Variants in SLC25A29 observed in about 807,000 individuals in gnomAD.
SLC25A29 encodes mitochondrial basic amino acids transporter.
SLC25A29 carries 13 observed loss-of-function variants against 10.0 expected under a neutral mutation model. That is an observed-to-expected ratio of 1.30 (90% CI 0.85 to 2.07). SLC25A29 has a LOEUF of 2.07. SLC25A29 is among the 30% of genes most tolerant of loss of function. The pLI is 0.00. For missense variants in SLC25A29, 475 were observed against 447.6 expected (o/e 1.06, Z -0.55); for synonymous variants, 244 against 221.1 (o/e 1.10, Z -0.92).
In SLC25A29 at chr14:100,301,746, G is replaced by A. The variant is rs561515433; in HGVS notation, c.35-2861C>T. 3.5e-4 allele frequency among the ~76,000 whole-genome samples: 50 copies of A among 143,676 alleles called. 1 individual carries two copies. In the South Asian group the frequency reaches 0.01, roughly 30 times the overall value. 94.3% of individuals were successfully genotyped at this position (143,676 alleles called of 152,430 possible). A position where few individuals can be genotyped will look rare whatever the true frequency, so the allele number is the denominator to read the frequency against. On this transcript the variant is annotated intron_variant, in intron 1 of 3. Transcript: ENST00000359232. ...AGGATGGTCTCGATCTCCTGACCTC[G>A]TGATCCACCCGCCTCGGCCACCCAA...
chr14:100,299,957 ACATCCTATC>A (rs1892429871), intron 1 of SLC25A29: 1 of 985,292 alleles, frequency 1.0e-6, no homozygotes, highest in Admixed American at 6.2e-5. Flanking sequence ...TCTTTACCTA[ACATCCTATC>A]CATCCTTTAA....
chr14:100,285,727 G>A, the SLC25A29 span, among the ~76,000 whole-genome samples: 433 of 152,214 alleles, frequency 2.8e-3, 1 homozygote, highest in African/African-American at 0.01. Flanking sequence ...ACAGGGACAC[G>A]GGGCAGGGCG....
chr14:100,302,906 C>G (rs534765201), intron 1 of SLC25A29, among the ~76,000 whole-genome samples: 212 of 152,236 alleles, frequency 1.4e-3, no homozygotes, highest in Non-Finnish European at 1.8e-3. Flanking sequence ...GTAACCCTGC[C>G]TGGAGCTCTA....
the SLC25A29 span, among the ~76,000 whole-genome samples, chr14:100,284,914 C>T: frequency 7.2e-5 from 11 of 152,220 alleles, no homozygotes; most frequent in South Asian, 1.9e-3. Context: ...TGGCGCATGC[C>T]TCTAATCCCA....
intron 1 of SLC25A29, among the ~76,000 whole-genome samples, chr14:100,303,637 G>A (rs1471788126): frequency 6.6e-6 from 1 of 152,178 alleles, no homozygotes; most frequent in Non-Finnish European, 1.5e-5. Flanking sequence ...TCCATTGGAG[G>A]AGCCTCCTCA....
At chr14:100,290,558 G>T (rs977682088), downstream of SLC25A29, among the ~76,000 whole-genome samples, 1 of 152,240 alleles carries the variant, frequency 6.6e-6, no homozygotes, top group Non-Finnish European at 1.5e-5. Flanking sequence ...AAGCCTCCAG[G>T]GCTGGTGGCT....
At chr14:100,289,605 G>A (rs1413218257), downstream of SLC25A29, among the ~76,000 whole-genome samples, 1 of 152,136 alleles carries the variant, frequency 6.6e-6, no homozygotes, top group East Asian at 1.9e-4. Flanking sequence ...CACTTTGGGA[G>A]GCTGAGGCGG....
At chr14:100,293,204 C>T (rs1891889567) in intron 3 of SLC25A29, 90 bp downstream of exon 3, 10 of 1,515,810 alleles carry the variant, frequency 6.6e-6, no homozygotes, top group Non-Finnish European at 8.1e-6. Context: ...TGACACCTTC[C>T]TTCCTGGCTC....
At chr14:100,305,933 C>G (rs946475080) in intron 1 of SLC25A29, 1 of 376,124 alleles carries the variant, frequency 2.7e-6, no homozygotes, top group East Asian at 4.0e-5. Flanking sequence ...GTCCTGGCCT[C>G]CGCTCAGCCA....
rs756011176 is a variant in SLC25A29 at position 100,292,370 on chromosome 14, G to A, written c.825C>T (p.Tyr275=). The A allele has an allele frequency of 7.8e-6, 12 of 1,538,014 alleles. No homozygotes were observed. The highest frequency in any genetic ancestry group is 1.7e-4 in the Middle Eastern group (1 of 5,874). The change falls in exon 4 of 4, where the codon TAC becomes TAT. Residue 275 remains tyrosine, a synonymous_variant. Coordinates refer to ENST00000359232, the MANE Select transcript of SLC25A29 (RefSeq NM_001039355.3). ...TFATVTVVLT[Y]ARGEEAGPEG... is the part of the protein sequence containing the mutation. ...CGGGCCCGGCCTCCTCGCCGCGCGC[G>A]TAGGTGAGCACCACCGTGACGGTGG...
chr14:100,289,285 C>G (rs1566788931), downstream of SLC25A29, among the ~76,000 whole-genome samples: 1 of 152,194 alleles, frequency 6.6e-6, no homozygotes, highest in African/African-American at 2.4e-5. Context: ...TCTCCAGGAT[C>G]ACTGTCAAGG....
chr14:100,282,458 C>T, the SLC25A29 span: 3 of 152,288 alleles, frequency 2.0e-5, no homozygotes, highest in Non-Finnish European at 2.9e-5. Flanking sequence ...CTACATTGTC[C>T]ATACCCGGAC....
At chr14:100,283,929 C>T in the SLC25A29 span, among the ~76,000 whole-genome samples, 21 of 150,428 alleles carry the variant, frequency 1.4e-4, no homozygotes, top group East Asian at 2.0e-4. Context: ...TCACCTAGGC[C>T]GGAGTGCAGT....
intron 1 of SLC25A29, among the ~76,000 whole-genome samples, chr14:100,300,825 T>A (rs563813718): frequency 6.6e-6 from 1 of 152,264 alleles, no homozygotes; most frequent in Non-Finnish European, 1.5e-5. Context: ...CTTTATTTTA[T>A]GTAAATGGTT....
At chr14:100,282,543 C>T in the SLC25A29 span, 1 of 152,184 alleles carries the variant, frequency 6.6e-6, no homozygotes, top group Non-Finnish European at 1.5e-5. Flanking sequence ...TCTGTAGGCC[C>T]TGGCTCAAGG....
chr14:100,293,140 G>A, intron 3 of SLC25A29, 108 bp from the exon 4 acceptor site: 1 of 1,457,600 alleles, frequency 6.9e-7, no homozygotes. Context: ...GGGCTCCTGA[G>A]GACCAAGCAG....
chr14:100,290,071 C>CGCAGGGT (rs1454553977), downstream of SLC25A29, among the ~76,000 whole-genome samples: 13 of 152,114 alleles, frequency 8.5e-5, no homozygotes, highest in Non-Finnish European at 1.8e-4. Flanking sequence ...GGCAGGCAGC[C>CGCAGGGT]GCAGGGTTCG....
At chr14:100,288,687 CT>C (rs1413336228), downstream of SLC25A29, among the ~76,000 whole-genome samples, 1 of 151,504 alleles carries the variant, frequency 6.6e-6, no homozygotes, top group Non-Finnish European at 1.5e-5. Context: ...GCTGCTCTTC[CT>C]CTAGGACTCT....
chr14:100,281,061 C>T, the SLC25A29 span: 4 of 100,882 alleles, frequency 4.0e-5, no homozygotes, highest in Non-Finnish European at 5.4e-5. Context: ...CTCCGTCTCC[C>T]AAAAAAAAAA....
Sources: allele counts gnomAD v4.1 joint callset (sites outside exome capture counted in the v4.1 genomes callset), GRCh38; gene constraint gnomAD v4.1.1; transcripts MANE v1.5; gene names NCBI Gene and HGNC (gene_info 2026-07-23, HGNC 2026-07-21).